The following LEF1 variants were observed in gnomAD, a reference collection of about 807,000 sequenced individuals.
LEF1 encodes the protein lymphoid enhancer-binding factor 1.
A neutral mutation model predicts 51.2 loss-of-function variants in LEF1; 14 were observed. The ratio of observed to expected loss-of-function variants is 0.27; its 90% CI spans 0.18 to 0.43. The LOEUF is 0.43. Among genes scored for constraint, LEF1 ranks in the 20% least tolerant of loss-of-function variants. The pLI is 1.00. For missense variants in LEF1, 386 were observed against 512.0 expected (o/e 0.75, Z 2.37); for synonymous variants, 185 against 183.2 (o/e 1.01, Z -0.08).
At chr4:108,113,954 C>T (rs1431684759) in intron 3 of LEF1, among the ~76,000 whole-genome samples, 1 of 151,884 alleles carries the variant, frequency 6.6e-6, no homozygotes, top group Non-Finnish European at 1.5e-5. Flanking sequence ...TATATGAAGA[C>T]AAAGAATAAA....
intron 5 of LEF1, among the ~76,000 whole-genome samples, chr4:108,082,286 A>C (rs371124171): frequency 3.9e-4 from 60 of 152,148 alleles, no homozygotes; most frequent in African/African-American, 1.4e-3. Flanking sequence ...TCCAGCTGCC[A>C]GTGGTACGAT....
chr4:108,064,438 A>G, intron 9 of LEF1, 54 bp from the exon 10 acceptor site: 1 of 1,340,870 alleles, frequency 7.5e-7, no homozygotes, highest in South Asian at 1.2e-5. Flanking sequence ...GAACACACAG[A>G]TGAATGTGAT....
intron 11 of LEF1, among the ~76,000 whole-genome samples, chr4:108,056,906 C>T (rs1044258536): frequency 1.2e-5 from 1 of 84,994 alleles, no homozygotes; most frequent in Non-Finnish European, 2.4e-5. Context: ...GGCCACTATT[C>T]AAAAAAAAAA....
intron 3 of LEF1, among the ~76,000 whole-genome samples, chr4:108,120,278 G>A (rs541064322): frequency 6.6e-6 from 1 of 152,180 alleles, no homozygotes; most frequent in Non-Finnish European, 1.5e-5. Context: ...CAGTCCTCCT[G>A]CCTCAGCCTC....
chr4:108,167,406 G>A lies in LEF1; in HGVS notation c.213+149C>T. 1.5e-6 allele frequency: 1 copy of A among 664,984 alleles called. No homozygotes were observed. The highest frequency in any genetic ancestry group is 1.8e-5 in the South Asian group (1 of 54,816). 41.2% of individuals were successfully genotyped at this position (664,984 alleles called of 1,614,324 possible). A position where few individuals can be genotyped will look rare whatever the true frequency, so the allele number is the denominator to read the frequency against. Reference sequence around the variant, plus strand: ...CACACACACACACACTGCGGACCGGGGGCCCAGCTACGCACACACCCCAAA... The same window carrying A: ...CACACACACACACACTGCGGACCGGAGGCCCAGCTACGCACACACCCCAAA... On this transcript the variant is annotated intron_variant, in intron 1 of 11. Coordinates refer to ENST00000265165, the MANE Select transcript of LEF1 (RefSeq NM_016269.5). This position sits in a 1 kb window ranked among gnomAD's most constrained non-coding sequence, Gnocchi z 5.7.
At chr4:108,094,608 G>C (rs547940168) in intron 3 of LEF1, among the ~76,000 whole-genome samples, 1 of 152,330 alleles carries the variant, frequency 6.6e-6, no homozygotes, top group South Asian at 2.1e-4. Flanking sequence ...GTAACTGGGG[G>C]AGAAACCTGC....
chr4:108,150,768 A>C (rs138074329), intron 3 of LEF1, among the ~76,000 whole-genome samples: 11 of 152,304 alleles, frequency 7.2e-5, no homozygotes, highest in African/African-American at 2.4e-4. Flanking sequence ...TTCACTGGAA[A>C]CATAGGCATA....
chr4:108,106,818 A>T (rs1235027596), intron 3 of LEF1, among the ~76,000 whole-genome samples: 1 of 152,258 alleles, frequency 6.6e-6, no homozygotes, highest in Non-Finnish European at 1.5e-5. Context: ...TTACATGGTC[A>T]TCTAAAAACA....
At chr4:108,103,036 C>A (rs1740928123) in intron 3 of LEF1, among the ~76,000 whole-genome samples, 2 of 152,178 alleles carry the variant, frequency 1.3e-5, no homozygotes, top group African/African-American at 4.8e-5. Flanking sequence ...TTTCACCAAA[C>A]CATGATGCAG....
At chr4:108,131,468 C>T (rs1742891108) in intron 3 of LEF1, among the ~76,000 whole-genome samples, 1 of 151,604 alleles carries the variant, frequency 6.6e-6, no homozygotes, top group Non-Finnish European at 1.5e-5. Context: ...TGCAAAAGAC[C>T]ACCACAAAAA....
intron 3 of LEF1, among the ~76,000 whole-genome samples, chr4:108,125,034 T>C (rs1240493655): frequency 6.6e-6 from 1 of 152,204 alleles, no homozygotes; most frequent in Non-Finnish European, 1.5e-5. Context: ...AATTCTAACA[T>C]ACCAACATAT....
intron 3 of LEF1, among the ~76,000 whole-genome samples, chr4:108,099,520 A>G (rs544509316): frequency 9.9e-4 from 27 of 27,236 alleles, no homozygotes; most frequent in South Asian, 2.0e-3. Context: ...ATGTGTATGT[A>G]TATATATATA....
intron 3 of LEF1, among the ~76,000 whole-genome samples, chr4:108,135,635 G>T (rs17038630): frequency 0.14 from 21,958 of 152,104 alleles, 2,500 homozygotes; most frequent in African/African-American, 0.32. Flanking sequence ...AGGCAACAAC[G>T]CCCTGCTTTG....
chr4:108,075,873 T>C (rs1435012500), intron 8 of LEF1, among the ~76,000 whole-genome samples: 1 of 152,144 alleles, frequency 6.6e-6, no homozygotes, highest in Admixed American at 6.5e-5. Flanking sequence ...ACTTGGAGAT[T>C]TGGAGAACAG....
At chr4:108,129,617 G>C (rs1742743052) in intron 3 of LEF1, among the ~76,000 whole-genome samples, 1 of 152,128 alleles carries the variant, frequency 6.6e-6, no homozygotes, top group South Asian at 2.1e-4. Flanking sequence ...TCCAGATAGA[G>C]AACAAAAACC....
At chr4:108,076,111 G>A (rs1194541691) in intron 8 of LEF1, among the ~76,000 whole-genome samples, 5 of 152,074 alleles carry the variant, frequency 3.3e-5, no homozygotes, top group East Asian at 1.9e-4. Flanking sequence ...CTCCCCATTC[G>A]TCTCTACTTA....
intron 3 of LEF1, among the ~76,000 whole-genome samples, chr4:108,144,865 C>CAAAAAAAAAAAAA (rs11394687): frequency 7.2e-5 from 3 of 41,926 alleles, no homozygotes; most frequent in African/African-American, 2.0e-4. Flanking sequence ...CCCAACCAGC[C>CAAAAAAAAAAAAA]AAAAAAAAAA....
chr4:108,075,851 T>C (rs752521168), intron 8 of LEF1, among the ~76,000 whole-genome samples: 31 of 152,316 alleles, frequency 2.0e-4, no homozygotes, highest in Non-Finnish European at 3.8e-4. Flanking sequence ...CCCAGAAACC[T>C]GGCAGGTGTA....
intron 3 of LEF1, among the ~76,000 whole-genome samples, chr4:108,125,351 T>C (rs1742459676): frequency 6.6e-6 from 1 of 152,138 alleles, no homozygotes; most frequent in African/African-American, 2.4e-5. Flanking sequence ...TTAGTAGAGA[T>C]GGGGTTTTGC....
Sources: allele counts gnomAD v4.1 joint callset (sites outside exome capture counted in the v4.1 genomes callset), GRCh38; gene constraint gnomAD v4.1.1; non-coding constraint Gnocchi (gnomAD v3.1); transcripts MANE v1.5; gene names NCBI Gene and HGNC (gene_info 2026-07-23, HGNC 2026-07-21).